GPX3: variants seen among roughly 807,000 people sequenced by gnomAD.
GPX3 encodes GPx-3.
In GPX3, 22 loss-of-function variants were observed where a neutral mutation model predicts 25.1. The observed-to-expected ratio is 0.88, with a 90% CI of 0.63 to 1.25. The LOEUF (loss-of-function observed/expected upper bound fraction) is 1.25, where lower values mean the gene tolerates loss of function less well. Ranked by LOEUF, GPX3 falls within the 50% of genes most tolerant of loss-of-function variation. The pLI, the probability that GPX3 is intolerant of heterozygous loss-of-function variation, is 0.00. For synonymous variants in GPX3, 110 were observed against 114.5 expected, an observed-to-expected ratio of 0.96 and a Z score of 0.25; for missense variants, 278 against 286.6, an observed-to-expected ratio of 0.97 and a Z score of 0.22.
chr5:151,022,341 G>T (rs1756489620), intron 1 of GPX3, among the ~76,000 whole-genome samples: 2 of 152,232 alleles, frequency 1.3e-5, no homozygotes, highest in African/African-American at 4.8e-5. Context: ...GCACTCTGGG[G>T]AAGGATAAAT....
Position 151,027,544 on chromosome 5 carries a change from C to T in GPX3, c.459+13C>T, listed in dbSNP as rs1319923112. On this transcript the variant is annotated intron_variant, in intron 4 of 4. Coordinates refer to ENST00000388825, the MANE Select transcript of GPX3 (RefSeq NM_002084.5). ...CACTTTCCTAAAGGTAAGTGAGCTG[C>T]CACCTGTGCTGGCTGGGGCTGCAGC... The T allele has an allele frequency of 6.5e-7, 1 of 1,539,938 alleles. No homozygotes were observed.
chr5:151,021,197 T>C, intron 1 of GPX3: 1 of 232,240 alleles, frequency 4.3e-6, no homozygotes, highest in South Asian at 4.5e-5. Context: ...GGCAGCTGGG[T>C]GGTCCTGGTC....
chr5:151,021,564 G>A (rs1756476965), intron 1 of GPX3: 1 of 152,310 alleles, frequency 6.6e-6, no homozygotes, highest in African/African-American at 2.4e-5. Flanking sequence ...AAACCTGGTA[G>A]TTGGAGAAAG....
Position 151,028,234 on chromosome 5 carries a change from C to A in GPX3, c.*104C>A. 9.6e-7 allele frequency: 1 copy of A among 1,037,926 alleles called. No homozygotes were observed. The highest frequency in any genetic ancestry group is 1.5e-5 in the South Asian group (1 of 67,774). The allele number at this position is 1,037,926 out of a possible 1,614,324, so 64.3% of individuals were successfully genotyped here. A position where few individuals can be genotyped will look rare whatever the true frequency, so the allele number is the denominator to read the frequency against. On this transcript the variant is annotated 3_prime_UTR_variant, in exon 5 of 5. Coordinates refer to ENST00000388825, the MANE Select transcript of GPX3 (RefSeq NM_002084.5). ...TATCTACCCATCACAGACCCCTTTC[C>A]TATCACTCAAGGCCCCAGCCTGGCA...
Position 151,026,965 on chromosome 5 carries a change from C to T in GPX3, c.307C>T (p.Gln103Ter), listed in dbSNP as rs1472195869. The change falls in exon 3 of 5, where the codon CAA becomes TAA. Residue 103 changes from glutamine to a stop codon, truncating the protein, a stop_gained. Transcript: ENST00000388825. LOFTEE classifies it high-confidence loss of function. ...GGTCATTCTGGGCTTTCCCTGCAAC[C>T]AATTTGGAAAACAGGAACCAGGAGA... ...GLVILGFPCN[Q>*]FGKQEPGENS... 6.2e-7 allele frequency: 1 copy of T among 1,614,146 alleles called. No homozygotes were observed. The highest frequency in any genetic ancestry group is 1.1e-5 in the South Asian group (1 of 91,086).
At chr5:151,023,809 CAA>C (rs1756510430) in intron 1 of GPX3, among the ~76,000 whole-genome samples, 1 of 152,190 alleles carries the variant, frequency 6.6e-6, no homozygotes, top group Admixed American at 6.5e-5. Flanking sequence ...CAGCACCCAC[CAA>C]AAGTCACCGG....
chr5:151,021,118 G>GA (rs879915148), intron 1 of GPX3: 3 of 256,788 alleles, frequency 1.2e-5, no homozygotes, highest in East Asian at 1.5e-4. Context: ...GGGCGTCACA[G>GA]AAAAAAATGC....
chr5:151,027,864 A>G, intron 4 of GPX3, 45 bp from the exon 5 acceptor site: 1 of 1,496,556 alleles, frequency 6.7e-7, no homozygotes. Context: ...GAAGAGGGTC[A>G]GGGGGCCTCA....
intron 3 of GPX3, among the ~76,000 whole-genome samples, 154 bp from the exon 4 acceptor site, chr5:151,027,278 T>A (rs1187702454): frequency 1.3e-5 from 2 of 152,206 alleles, no homozygotes; most frequent in Non-Finnish European, 2.9e-5. Context: ...GGACTCACAT[T>A]ATGCCTATGC....
chr5:151,025,257 T>C (rs1581698582), intron 1 of GPX3, 83 bp from the exon 2 acceptor site: 1 of 1,150,402 alleles, frequency 8.7e-7, no homozygotes. Context: ...ACTCTCTCTG[T>C]TGGGATCTTT....
chr5:151,028,215 C>G lies in GPX3; in HGVS notation c.*85C>G. The G allele has an allele frequency of 8.3e-7, 1 of 1,198,636 alleles. No homozygotes were observed. Among genetic ancestry groups the G allele is most frequent in the Non-Finnish European group, 1.2e-6 (1 of 830,978 alleles). 74.3% of individuals were successfully genotyped at this position (1,198,636 alleles called of 1,614,324 possible). A position where few individuals can be genotyped will look rare whatever the true frequency, so the allele number is the denominator to read the frequency against. Reference sequence around the variant, plus strand: ...TCCGTGTCTCCAACCACACTATCTACCCATCACAGACCCCTTTCCTATCAC... The same window carrying G: ...TCCGTGTCTCCAACCACACTATCTAGCCATCACAGACCCCTTTCCTATCAC... On this transcript the variant is annotated 3_prime_UTR_variant, in exon 5 of 5. Transcript: ENST00000388825.
rs145695299 is a variant in GPX3 at position 151,024,927 on chromosome 5, C to G, written c.88-413C>G. Reference sequence around the variant, plus strand: ...CAACAGCCACCCAACCAGTCTCCATCAGCCCGTCTAGGAACCCAGTCATCA... The same window carrying G: ...CAACAGCCACCCAACCAGTCTCCATGAGCCCGTCTAGGAACCCAGTCATCA... On this transcript the variant is annotated intron_variant, in intron 1 of 4. Transcript: ENST00000388825. 1.4e-3 allele frequency among the ~76,000 whole-genome samples: 219 copies of G among 152,316 alleles called. 5 individuals carry two copies. The East Asian group carries it at 0.02, about 14-fold the overall frequency.
chr5:151,026,608 G>A, intron 2 of GPX3: 1 of 335,096 alleles, frequency 3.0e-6, no homozygotes. Context: ...CTGAATGAGT[G>A]CTCTAGCTGG....
rs1581696885 is a variant in GPX3, at chr5:151,020,682, C to T, written c.28C>T (p.Leu10=). 8 of 1,611,422 alleles carry T rather than the reference C, an allele frequency of 5.0e-6. No individual in the cohort carries two copies. Among genetic ancestry groups the T allele is most frequent in the African/African-American group, 2.7e-5 (2 of 74,922 alleles). The change falls in exon 1 of 5, where the codon CTG becomes TTG. Residue 10 remains leucine (L), a synonymous_variant. Coordinates refer to ENST00000388825, the MANE Select transcript of GPX3 (RefSeq NM_002084.5). ...GGCCCGGCTGCTGCAGGCGTCCTGC[C>T]TGCTTTCCCTGCTCCTGGCCGGCTT... is the stretch of plus-strand genomic sequence containing the variant. The part of the protein sequence containing the change: MARLLQASC[L]LSLLLAGFVS...
At chr5:151,022,494 T>A (rs1263370102) in intron 1 of GPX3, among the ~76,000 whole-genome samples, 1 of 152,208 alleles carries the variant, frequency 6.6e-6, no homozygotes, top group Non-Finnish European at 1.5e-5. Context: ...AGAGTTCAGA[T>A]GTCTTAGCTC....
chr5:151,023,929 C>G (rs1410787011), intron 1 of GPX3, among the ~76,000 whole-genome samples: 1 of 152,228 alleles, frequency 6.6e-6, no homozygotes, highest in Non-Finnish European at 1.5e-5. Context: ...CCTCGCCCAG[C>G]TCAGCAGACC....
At chr5:151,022,947 A>G (rs8177422) in intron 1 of GPX3, among the ~76,000 whole-genome samples, 3,995 of 152,218 alleles carry the variant, frequency 0.026, 173 homozygotes, top group African/African-American at 0.091. Context: ...GACACAGCAA[A>G]GCCCAGCACT....
chr5:151,025,340 A>G lies in GPX3; in HGVS notation c.88A>G (p.Met30Val). 6.3e-7 allele frequency: 1 copy of G among 1,577,670 alleles called. No homozygotes were observed. Among genetic ancestry groups the G allele is most frequent in the Non-Finnish European group, 8.6e-7 (1 of 1,159,676 alleles). ...GCTCCTTTTATGGCCTGTGTTCCAG[A>G]TGGACTGCCATGGTGGCATAAGTGG... Reference protein sequence around the residue: ...SQSRGQEKSKMDCHGGISGTI... With the variant: ...SQSRGQEKSKVDCHGGISGTI... The change falls in exon 2 of 5, where the codon ATG (methionine) becomes GTG (valine). Residue 30 changes from methionine (M) to valine (V), a missense_variant and splice_region_variant. By Grantham distance (21) the Met-to-Val change is conservative. Transcript: ENST00000388825.
At position 151,026,961 on chromosome 5, in the gene GPX3, C is replaced by A. The variant is rs1312926534; in HGVS notation, c.303C>A (p.Cys101Ter). 1.2e-6 allele frequency: 2 copies of A among 1,614,056 alleles called. No homozygotes were observed. Among genetic ancestry groups the A allele is most frequent in the Non-Finnish European group, 1.7e-6 (2 of 1,179,996 alleles). The change falls in exon 3 of 5, where the codon TGC becomes TGA. Residue 101 changes from cysteine to a stop codon, truncating the protein, a stop_gained. Coordinates refer to ENST00000388825, the MANE Select transcript of GPX3 (RefSeq NM_002084.5). LOFTEE classifies it high-confidence loss of function. ...GTCTGGTCATTCTGGGCTTTCCCTG[C>A]AACCAATTTGGAAAACAGGAACCAG... ...PFGLVILGFP[C>*]NQFGKQEPGE...
Sources: gnomAD v4.1 joint callset for allele counts (sites outside exome capture counted in the v4.1 genomes callset) on GRCh38, gnomAD v4.1.1 for gene constraint, MANE v1.5 for transcripts, NCBI Gene and HGNC (gene_info 2026-07-23, HGNC 2026-07-21) for gene names.